The following TUSC3 variants were observed in gnomAD, a reference collection of about 807,000 sequenced individuals.
The protein encoded by TUSC3 is dolichyl-diphosphooligosaccharide--protein glycosyltransferase subunit TUSC3.
A neutral mutation model predicts 44.8 loss-of-function variants in TUSC3; 45 were observed. The observed-to-expected ratio is 1.00, with a 90% CI of 0.79 to 1.29. TUSC3 has a LOEUF of 1.29. Ranked by LOEUF, TUSC3 falls within the 50% of genes most tolerant of loss-of-function variation. TUSC3 has a pLI of 0.00. For synonymous variants in TUSC3, 212 were observed against 152.9 expected, an observed-to-expected ratio of 1.39 and a Z score of -2.85; for missense variants, 519 against 437.9, an observed-to-expected ratio of 1.19 and a Z score of -1.65.
chr8:15,753,605 A>G (rs1044682257), intron 9 of TUSC3, among the ~76,000 whole-genome samples: 4 of 152,074 alleles, frequency 2.6e-5, no homozygotes, highest in Non-Finnish European at 5.9e-5. Flanking sequence ...TAGTAATAAT[A>G]TATTTTACTT....
chr8:15,820,871 T>C, the TUSC3 span, among the ~76,000 whole-genome samples: 2 of 152,216 alleles, frequency 1.3e-5, no homozygotes, highest in African/African-American at 2.4e-5. Context: ...ATCAAAATCA[T>C]AACATTACCT....
chr8:15,620,100 T>C (rs975358065), intron 1 of TUSC3, among the ~76,000 whole-genome samples: 1 of 152,108 alleles, frequency 6.6e-6, no homozygotes, highest in East Asian at 1.9e-4. Context: ...TAAGATACCA[T>C]TGTCGATTAA....
intron 1 of TUSC3, among the ~76,000 whole-genome samples, chr8:15,616,028 C>T (rs988258596): frequency 2.0e-5 from 3 of 152,088 alleles, no homozygotes; most frequent in African/African-American, 7.2e-5. Context: ...GAGTTGGGGC[C>T]TCACTGTGCT....
At chr8:15,423,969 GTTTTTTTTTTTTTTTTTTTTTTT>G (rs112397215) in intron 1 of TUSC3, among the ~76,000 whole-genome samples, 2 of 70,362 alleles carry the variant, frequency 2.8e-5, no homozygotes, top group East Asian at 5.5e-4. Flanking sequence ...GTTTTGCTTT[GTTTTTTTTTTTTTTTTTTTTTTT>G]TTTTTTTTTT....
chr8:15,521,931 A>G (rs6530884), intron 2 of TUSC3, among the ~76,000 whole-genome samples: 9,846 of 152,296 alleles, frequency 0.065, 358 homozygotes, highest in Middle Eastern at 0.14. Context: ...TTAAAGTAAT[A>G]GCAAAAACCA....
chr8:15,435,063 G>A (rs921849546), intron 1 of TUSC3, among the ~76,000 whole-genome samples: 1 of 148,554 alleles, frequency 6.7e-6, no homozygotes, highest in African/African-American at 2.6e-5. Flanking sequence ...TAATGGGATG[G>A]CTGGGTCAAA....
intron 1 of TUSC3, among the ~76,000 whole-genome samples, chr8:15,554,703 C>T (rs1053339235): frequency 1.3e-5 from 2 of 148,226 alleles, no homozygotes; most frequent in African/African-American, 4.9e-5. Flanking sequence ...CCCAGGTTCA[C>T]ACCATTCTCC....
At chr8:15,789,635 G>GATAT in the TUSC3 span, among the ~76,000 whole-genome samples, 7 of 150,398 alleles carry the variant, frequency 4.7e-5, no homozygotes, top group African/African-American at 1.5e-4. Flanking sequence ...TGTGTATGCA[G>GATAT]ATATATATAT....
At chr8:15,564,368 A>G (rs934477501) in intron 1 of TUSC3, among the ~76,000 whole-genome samples, 1 of 152,170 alleles carries the variant, frequency 6.6e-6, no homozygotes, top group Non-Finnish European at 1.5e-5. Flanking sequence ...TCTTAACGTC[A>G]TCCAGCTGTC....
chr8:15,757,599 T>C (rs1446300759), intron 9 of TUSC3, among the ~76,000 whole-genome samples, 192 bp from the exon 10 acceptor site: 4 of 152,184 alleles, frequency 2.6e-5, no homozygotes, highest in South Asian at 2.1e-4. Context: ...TAAAATGACT[T>C]ATAAAGGTCC....
chr8:15,505,699 C>T (rs1801042551), intron 2 of TUSC3, among the ~76,000 whole-genome samples: 1 of 152,134 alleles, frequency 6.6e-6, no homozygotes, highest in South Asian at 2.1e-4. Flanking sequence ...CTGATGAATA[C>T]TATAATCAGG....
At chr8:15,782,833 A>C in the TUSC3 span, among the ~76,000 whole-genome samples, 1 of 152,284 alleles carries the variant, frequency 6.6e-6, no homozygotes, top group East Asian at 1.9e-4. Context: ...CAAGATGTCT[A>C]CTCTCACCAC....
chr8:15,485,422 A>G (rs1800720511), intron 2 of TUSC3, among the ~76,000 whole-genome samples: 2 of 149,718 alleles, frequency 1.3e-5, no homozygotes, highest in Admixed American at 1.3e-4. Flanking sequence ...AAAATATAAC[A>G]TGGGTTTATC....
At chr8:15,590,583 T>C (rs930903451) in intron 1 of TUSC3, among the ~76,000 whole-genome samples, 1 of 152,090 alleles carries the variant, frequency 6.6e-6, no homozygotes, top group African/African-American at 2.4e-5. Flanking sequence ...TGAACACCAC[T>C]CTGCCATGTT....
chr8:15,804,080 G>A, the TUSC3 span, among the ~76,000 whole-genome samples: 2 of 152,112 alleles, frequency 1.3e-5, no homozygotes, highest in African/African-American at 4.8e-5. Flanking sequence ...CGGGATTGCT[G>A]GGTCAAATGG....
chr8:15,737,551 G>C (rs552896936), intron 7 of TUSC3, among the ~76,000 whole-genome samples: 1 of 152,120 alleles, frequency 6.6e-6, no homozygotes, highest in Admixed American at 6.5e-5. Flanking sequence ...AATATATATT[G>C]CCATGATATT....
Position 15,673,810 on chromosome 8 carries a change from C to A in TUSC3, c.772C>A (p.His258Asn). ...CCATATCCGTGGACCTCCATATGCT[C>A]ATAAGAACCCACACAATGGACAAGT... ...WNHIRGPPYA[H>N]KNPHNGQVSY... The change falls in exon 6 of 11, where the codon CAT (histidine) becomes AAT (asparagine). Residue 258 changes from histidine (H) to asparagine (N), a missense_variant. Transcript: ENST00000503731. The A allele has an allele frequency of 6.2e-7, 1 of 1,612,578 alleles. No homozygotes were observed. The highest frequency in any genetic ancestry group is 8.5e-7 in the Non-Finnish European group (1 of 1,179,012).
At chr8:15,768,939 T>C (rs1242717760), downstream of TUSC3, among the ~76,000 whole-genome samples, 1 of 152,026 alleles carries the variant, frequency 6.6e-6, no homozygotes, top group Non-Finnish European at 1.5e-5. Flanking sequence ...AGGACACAAA[T>C]GGAAACACAT....
At chr8:15,843,240 T>C in the TUSC3 span, among the ~76,000 whole-genome samples, 29 of 152,198 alleles carry the variant, frequency 1.9e-4, no homozygotes, top group Non-Finnish European at 3.7e-4. Flanking sequence ...ATTGTATTCA[T>C]TGCTAATGGG....
Sources: gnomAD v4.1 joint callset for allele counts (sites outside exome capture counted in the v4.1 genomes callset) on GRCh38, gnomAD v4.1.1 for gene constraint, MANE v1.5 for transcripts, NCBI Gene and HGNC (gene_info 2026-07-23, HGNC 2026-07-21) for gene names.